The following ENOX1 variants were observed in gnomAD, a reference collection of about 807,000 sequenced individuals.
ENOX1 encodes the protein candidate growth-related and time keeping constitutive hydroquinone (NADH) oxidase.
In ENOX1, 42 loss-of-function variants were observed where a neutral mutation model predicts 82.5. The ratio of observed to expected loss-of-function variants is 0.51; its 90% confidence interval spans 0.40 to 0.66. The LOEUF (loss-of-function observed/expected upper bound fraction) is 0.66, where lower values mean the gene tolerates loss of function less well. Among genes scored for constraint, ENOX1 ranks in the 30% least tolerant of loss-of-function variants. The pLI, the probability that ENOX1 is intolerant of heterozygous loss-of-function variation, is 0.00. For synonymous variants in ENOX1, 271 were observed against 282.2 expected (o/e 0.96, Z 0.40); for missense variants, 608 against 811.6 (o/e 0.75, Z 3.05).
intron 1 of ENOX1, among the ~76,000 whole-genome samples, chr13:43,780,178 A>C (rs1952183099): frequency 6.6e-6 from 1 of 151,986 alleles, no homozygotes; most frequent in South Asian, 2.1e-4. Context: ...AAAAGAAAAA[A>C]AAAAAATCTG....
chr13:43,498,858 C>A (rs2076882884), intron 2 of ENOX1, among the ~76,000 whole-genome samples: 1 of 152,080 alleles, frequency 6.6e-6, no homozygotes, highest in Non-Finnish European at 1.5e-5. Context: ...GGAGATGGAA[C>A]TTAATTTTTT....
At chr13:43,238,553 T>C (rs2042662123) in intron 14 of ENOX1, among the ~76,000 whole-genome samples, 1 of 152,130 alleles carries the variant, frequency 6.6e-6, no homozygotes. Context: ...CACAGGGACA[T>C]GGCAGATGGA....
chr13:43,233,912 C>G (rs908267972), intron 15 of ENOX1, among the ~76,000 whole-genome samples: 1 of 152,010 alleles, frequency 6.6e-6, no homozygotes, highest in Non-Finnish European at 1.5e-5. Context: ...GGGGGAATTG[C>G]AAAGAGTATT....
intron 10 of ENOX1, 61 bp from the exon 11 acceptor site, chr13:43,322,562 C>A: frequency 7.3e-7 from 1 of 1,373,974 alleles, no homozygotes; most frequent in Non-Finnish European, 1.0e-6. Flanking sequence ...CCCCAATGGT[C>A]TTTGGGTATA....
intron 5 of ENOX1, among the ~76,000 whole-genome samples, chr13:43,396,395 T>C (rs76503665): frequency 0.037 from 5,653 of 152,296 alleles, 144 homozygotes; most frequent in South Asian, 0.091. Context: ...TTTTTTTCTT[T>C]TTTGAGACAG....
intron 2 of ENOX1, among the ~76,000 whole-genome samples, chr13:43,566,024 A>C (rs1012904591): frequency 2.6e-5 from 4 of 152,328 alleles, no homozygotes; most frequent in East Asian, 1.9e-4. Context: ...GGGTTGCAGT[A>C]GCAAAATAAC....
intron 3 of ENOX1, among the ~76,000 whole-genome samples, chr13:43,439,125 C>T (rs1207943195): frequency 1.3e-5 from 2 of 149,020 alleles, no homozygotes; most frequent in Non-Finnish European, 3.0e-5. Context: ...TCATTGCAAC[C>T]TCTGCCTCCC....
At chr13:43,442,882 G>A (rs1231404713) in intron 3 of ENOX1, among the ~76,000 whole-genome samples, 5 of 152,192 alleles carry the variant, frequency 3.3e-5, no homozygotes, top group East Asian at 1.9e-4. Context: ...TTATGACAGC[G>A]AGAGGAGTTA....
At chr13:43,732,625 G>T (rs1490376089) in intron 1 of ENOX1, among the ~76,000 whole-genome samples, 1 of 152,118 alleles carries the variant, frequency 6.6e-6, no homozygotes, top group Non-Finnish European at 1.5e-5. Flanking sequence ...TAAAGAAAAA[G>T]ACAATGCACA....
At chr13:43,514,606 C>A (rs188438522) in intron 2 of ENOX1, among the ~76,000 whole-genome samples, 49 of 152,238 alleles carry the variant, frequency 3.2e-4, no homozygotes, top group African/African-American at 1.1e-3. Context: ...TTTGGCTTCA[C>A]CCAATCCAAC....
chr13:43,613,480 G>A (rs188973941), intron 2 of ENOX1, among the ~76,000 whole-genome samples: 1 of 151,828 alleles, frequency 6.6e-6, no homozygotes, highest in Non-Finnish European at 1.5e-5. Context: ...TTTTAAAATG[G>A]GTCAATCAAG....
At chr13:43,561,585 T>C (rs2079670320) in intron 2 of ENOX1, among the ~76,000 whole-genome samples, 1 of 152,084 alleles carries the variant, frequency 6.6e-6, no homozygotes, top group Non-Finnish European at 1.5e-5. Context: ...TAATTACATA[T>C]AGCACAATAG....
Position 43,355,381 on chromosome 13 carries a change from A to G in ENOX1, c.823+538T>C, listed in dbSNP as rs183730133. Among the ~76,000 whole-genome samples, 18 of 152,324 alleles carry G rather than the reference A, an allele frequency of 1.2e-4. No homozygotes were observed. In the East Asian group the frequency reaches 3.5e-3, roughly 29 times the overall value. On this transcript the variant is annotated intron_variant, in intron 8 of 16. Coordinates refer to ENST00000690772, the MANE Select transcript of ENOX1 (RefSeq NM_001347969.2). ...ATGTTGCATGTGTCCCTTCAACTGC[A>G]TCTCTGAAGACAGGGATCCCATTCT...
At chr13:43,445,098 T>G (rs936276194) in intron 3 of ENOX1, among the ~76,000 whole-genome samples, 3 of 151,736 alleles carry the variant, frequency 2.0e-5, no homozygotes, top group African/African-American at 7.2e-5. Context: ...AATACTATGT[T>G]CTAGAGAAAT....
chr13:43,538,723 T>C (rs556038507), intron 2 of ENOX1, among the ~76,000 whole-genome samples: 1 of 152,342 alleles, frequency 6.6e-6, no homozygotes, highest in South Asian at 2.1e-4. Flanking sequence ...TGTCCTCCTC[T>C]TTTTTCATTC....
chr13:43,692,259 A>T (rs987076320), intron 1 of ENOX1, among the ~76,000 whole-genome samples: 4 of 152,208 alleles, frequency 2.6e-5, no homozygotes, highest in Non-Finnish European at 4.4e-5. Context: ...TTGGATTCTT[A>T]CTAAGTATCT....
intron 2 of ENOX1, among the ~76,000 whole-genome samples, chr13:43,502,955 T>C (rs2077033658): frequency 1.3e-5 from 2 of 151,564 alleles, no homozygotes; most frequent in African/African-American, 4.8e-5. Context: ...CATGATTTTA[T>C]ATACAGAAAA....
intron 1 of ENOX1, among the ~76,000 whole-genome samples, chr13:43,711,898 T>C (rs1282637737): frequency 6.8e-6 from 1 of 146,744 alleles, no homozygotes; most frequent in Non-Finnish European, 1.5e-5. Context: ...GGTAGTTTCT[T>C]TTGCTGTGCA....
intron 12 of ENOX1, 149 bp downstream of exon 12, chr13:43,298,197 G>A: frequency 1.4e-6 from 1 of 727,426 alleles, no homozygotes; most frequent in Non-Finnish European, 2.0e-6. Context: ...TCCACAAACA[G>A]TCATTAGCAC....
Sources: gnomAD v4.1 joint callset for allele counts (sites outside exome capture counted in the v4.1 genomes callset) on GRCh38, gnomAD v4.1.1 for gene constraint, MANE v1.5 for transcripts, NCBI Gene and HGNC (gene_info 2026-07-23, HGNC 2026-07-21) for gene names.